ICA1L: variants seen among roughly 807,000 people sequenced by gnomAD.
ICA1L encodes the protein islet cell autoantigen 1 like.
Under a neutral mutation model 61.3 loss-of-function variants are expected in ICA1L, and 50 were observed. The ratio of observed to expected loss-of-function variants is 0.82; its 90% CI spans 0.65 to 1.03. The LOEUF (loss-of-function observed/expected upper bound fraction) is 1.03. Ranked by LOEUF, ICA1L falls within the 50% of genes least tolerant of loss-of-function variation. ICA1L has a pLI of 0.00. For missense variants in ICA1L, 508 were observed against 556.7 expected (o/e 0.91, Z 0.88); for synonymous variants, 161 against 191.3 (o/e 0.84, Z 1.31).
At chr2:202,828,715 A>G (rs558117441) in intron 2 of ICA1L, 133 bp downstream of exon 2, 1 of 759,932 alleles carries the variant, frequency 1.3e-6, no homozygotes, top group African/African-American at 1.8e-5. Context: ...TGACAGATGG[A>G]TACAACTAAA....
rs192460206 is a variant in ICA1L, at chr2:202,849,274, C to T, written c.-7-20258G>A. Among the ~76,000 whole-genome samples, 234 of 152,236 alleles carry T rather than the reference C, an allele frequency of 1.5e-3. 1 individual carries two copies. Among genetic ancestry groups the T allele is most frequent in the African/African-American group, 5.5e-3 (228 of 41,536 alleles). ...ACCCCAGTGGTGCCTGGAACCCCAG[C>T]GAGACAAAACCGTTCACTCCCCTGG... is the stretch of plus-strand genomic sequence containing the variant. On this transcript the variant is annotated intron_variant, in intron 1 of 12. Coordinates refer to ENST00000358299, the MANE Select transcript of ICA1L (RefSeq NM_001288622.3). The surrounding 1 kb of genome is among the most constrained non-coding windows in gnomAD (Gnocchi z 4.5).
intron 9 of ICA1L, among the ~76,000 whole-genome samples, chr2:202,810,402 A>C (rs1204393913): frequency 6.6e-6 from 1 of 152,154 alleles, no homozygotes; most frequent in African/African-American, 2.4e-5. Context: ...TCTGAACATA[A>C]ATTGTGAAGA....
intron 9 of ICA1L, among the ~76,000 whole-genome samples, chr2:202,809,658 A>G (rs1023705323): frequency 1.3e-5 from 2 of 152,022 alleles, no homozygotes; most frequent in African/African-American, 4.8e-5. Flanking sequence ...CTCAAAAAAA[A>G]AAAAATTAGC....
At chr2:202,831,647 G>A (rs1188719281) in intron 1 of ICA1L, among the ~76,000 whole-genome samples, 1 of 152,168 alleles carries the variant, frequency 6.6e-6, no homozygotes, top group Admixed American at 6.6e-5. Context: ...CTCTTTGGGA[G>A]AGAAAGAGTA....
chr2:202,798,493 G>T (rs1692999531), intron 9 of ICA1L, among the ~76,000 whole-genome samples: 2 of 152,042 alleles, frequency 1.3e-5, no homozygotes, highest in Admixed American at 1.3e-4. Flanking sequence ...CTCCCACCTT[G>T]GCCTCCCAAA....
At chr2:202,862,340 C>T (rs183652725) in intron 1 of ICA1L, among the ~76,000 whole-genome samples, 27 of 135,168 alleles carry the variant, frequency 2.0e-4, no homozygotes, top group Middle Eastern at 5.5e-3. Flanking sequence ...GTAGTGTAAG[C>T]GACTTTGGAG....
At chr2:202,846,584 C>T (rs1694469957) in intron 1 of ICA1L, among the ~76,000 whole-genome samples, 1 of 152,068 alleles carries the variant, frequency 6.6e-6, no homozygotes, top group African/African-American at 2.4e-5. Flanking sequence ...CAAAGGAGGG[C>T]AGAAGGTCAG....
At chr2:202,795,053 C>T (rs1692881952) in intron 10 of ICA1L, among the ~76,000 whole-genome samples, 1 of 144,488 alleles carries the variant, frequency 6.9e-6, no homozygotes, top group South Asian at 2.2e-4. Context: ...GATACTAAAA[C>T]TACAAGAAAG....
chr2:202,781,564 A>G (rs1276853523), intron 12 of ICA1L, among the ~76,000 whole-genome samples: 1 of 139,836 alleles, frequency 7.2e-6, no homozygotes, highest in Non-Finnish European at 1.5e-5. Flanking sequence ...ACAGAGTGTG[A>G]CCCTGTCTCA....
intron 3 of ICA1L, among the ~76,000 whole-genome samples, chr2:202,823,764 C>G (rs115021682): frequency 6.6e-6 from 1 of 152,318 alleles, no homozygotes; most frequent in African/African-American, 2.4e-5. Flanking sequence ...CTCTAATCCA[C>G]AGTTATTCTT....
Position 202,825,827 on chromosome 2 carries a change from G to C in ICA1L, c.163-60C>G, listed in dbSNP as rs147006584. 5.1e-6 allele frequency: 5 copies of C among 989,702 alleles called. No homozygotes were observed. In the East Asian group the frequency reaches 1.4e-4, roughly 27 times the overall value. 61.3% of individuals were successfully genotyped at this position (989,702 alleles called of 1,614,324 possible). The stretch of plus-strand genomic sequence containing the variant: ...AACTATAAACAAATATATGTTATAA[G>C]CACCCCAAAAGCATAACATTTTCTT... On this transcript the variant is annotated intron_variant, in intron 2 of 12. Transcript: ENST00000358299.
In ICA1L at chr2:202,786,011, G is replaced by T. The variant is rs761366495; in HGVS notation, c.1244-4C>A. 3.8e-6 allele frequency: 6 copies of T among 1,567,284 alleles called. No individual in the cohort carries two copies. The highest frequency in any genetic ancestry group is 4.4e-6 in the Non-Finnish European group (5 of 1,145,122). ...GATTCCTCTTGGGAGACCCAGTCTG[G>T]GATAAAAGAAGTAAAAATTGTCCAT... On this transcript the variant is annotated splice_region_variant and splice_polypyrimidine_tract_variant and intron_variant, in intron 11 of 12. Coordinates refer to ENST00000358299, the MANE Select transcript of ICA1L (RefSeq NM_001288622.3).
chr2:202,832,448 A>G (rs1168444349), intron 1 of ICA1L, among the ~76,000 whole-genome samples: 6 of 152,128 alleles, frequency 3.9e-5, no homozygotes, highest in Non-Finnish European at 4.4e-5. Flanking sequence ...AAAAAAAAAA[A>G]AAAAAAAGAT....
chr2:202,830,476 G>A (rs1693987982), intron 1 of ICA1L, among the ~76,000 whole-genome samples: 2 of 152,154 alleles, frequency 1.3e-5, no homozygotes, highest in South Asian at 4.1e-4. Context: ...GCTATATAAG[G>A]AAATGCAGAG....
rs1692247097 is a variant in ICA1L at position 202,777,046 on chromosome 2, T to TG, written c.*2486_*2487insC. On this transcript the variant is annotated 3_prime_UTR_variant, in exon 13 of 13. Coordinates refer to ENST00000358299, the MANE Select transcript of ICA1L (RefSeq NM_001288622.3). ...AAACTCTCAAGACATAAAGTTAGCT[T>TG]TTTTTTTTTTTTTTTTTTTTTTTTT... The TG allele has an allele frequency of 6.4e-5, 2 of 31,130 alleles. No homozygotes were observed. Among genetic ancestry groups the TG allele is most frequent in the Non-Finnish European group, 1.8e-4 (2 of 11,206 alleles). The allele number at this position is 31,130 out of a possible 1,614,324, so 1.9% of individuals were successfully genotyped here. A position where few individuals can be genotyped will look rare whatever the true frequency, so the allele number is the denominator to read the frequency against.
At chr2:202,786,050 G>C in intron 11 of ICA1L, 43 bp from the exon 12 acceptor site, 1 of 1,090,556 alleles carries the variant, frequency 9.2e-7, no homozygotes, top group Non-Finnish European at 1.4e-6. Context: ...TAATCAAATA[G>C]GAAGCAGCAT....
intron 12 of ICA1L, among the ~76,000 whole-genome samples, chr2:202,785,710 G>A (rs1374050462): frequency 6.6e-6 from 1 of 152,188 alleles, no homozygotes; most frequent in African/African-American, 2.4e-5. Context: ...ACAGGCATGA[G>A]CCACCATGCT....
At chr2:202,861,613 G>A (rs1305583544) in intron 1 of ICA1L, among the ~76,000 whole-genome samples, 2 of 151,838 alleles carry the variant, frequency 1.3e-5, no homozygotes, top group African/African-American at 4.8e-5. Flanking sequence ...AAGGCCAGGT[G>A]CAGTGGCTCA....
At chr2:202,871,019 C>G (rs538573173) in intron 1 of ICA1L, 61 of 152,372 alleles carry the variant, frequency 4.0e-4, no homozygotes, top group African/African-American at 1.4e-3. Context: ...GATCTGTGCG[C>G]GGAGCCCCTC....
Sources: gnomAD v4.1 joint callset for allele counts (sites outside exome capture counted in the v4.1 genomes callset) on GRCh38, gnomAD v4.1.1 for gene constraint, Gnocchi (gnomAD v3.1) non-coding constraint, MANE v1.5 for transcripts, NCBI Gene and HGNC (gene_info 2026-07-23, HGNC 2026-07-21) for gene names.